Variants in CCDC3 observed in about 807,000 individuals in gnomAD.
The protein encoded by CCDC3 is coiled-coil domain containing 3.
Under a neutral mutation model 21.4 loss-of-function variants are expected in CCDC3, and 24 were observed. The ratio of observed to expected loss-of-function variants is 1.12; its 90% CI spans 0.81 to 1.58. The LOEUF is 1.58. Ranked by LOEUF, CCDC3 falls within the 40% of genes most tolerant of loss-of-function variation. CCDC3 has a pLI of 0.00. For missense variants in CCDC3, 425 were observed against 360.9 expected, an observed-to-expected ratio of 1.18 and a Z score of -1.44; for synonymous variants, 186 against 166.0, an observed-to-expected ratio of 1.12 and a Z score of -0.93.
intron 2 of CCDC3, among the ~76,000 whole-genome samples, chr10:12,978,446 G>A (rs917160262): frequency 4.6e-5 from 7 of 152,174 alleles, no homozygotes; most frequent in African/African-American, 1.7e-4. Flanking sequence ...CGAATTATCC[G>A]ATGGAATCGG....
At chr10:13,075,196 A>C (rs931885260) in intron 3 of CCDC3, among the ~76,000 whole-genome samples, 7 of 152,272 alleles carry the variant, frequency 4.6e-5, no homozygotes, top group South Asian at 4.1e-4. Context: ...CTTTTCCACT[A>C]TGGTTTTCCT....
chr10:13,054,815 C>T (rs1290764249), intron 4 of CCDC3, among the ~76,000 whole-genome samples: 1 of 152,088 alleles, frequency 6.6e-6, no homozygotes, highest in Non-Finnish European at 1.5e-5. Flanking sequence ...TACAGGTAAC[C>T]CTCACTACGC....
chr10:12,898,482 C>T lies in CCDC3; in HGVS notation c.747G>A (p.Leu249=). ...TGATGTGCGGCAGCGCGCCCGCCGC[C>T]AGCTTCTCACTGAGTTTCTGGTTCG... ...ELANQKLSEK[L]AAGALPHINA... The change falls in exon 3 of 3, where the codon CTG becomes CTA. Residue 249 remains leucine, a synonymous_variant. Transcript: ENST00000378825. The T allele has an allele frequency of 6.2e-7, 1 of 1,613,492 alleles. No individual in the cohort carries two copies. The highest frequency in any genetic ancestry group is 8.5e-7 in the Non-Finnish European group (1 of 1,179,552).
At chr10:12,906,514 C>G (rs532584020) in intron 2 of CCDC3, among the ~76,000 whole-genome samples, 2 of 152,214 alleles carry the variant, frequency 1.3e-5, no homozygotes, top group East Asian at 3.9e-4. Flanking sequence ...AGGAGGTAGC[C>G]GGGCAGTGTG....
chr10:13,067,142 G>A (rs1243493457), intron 4 of CCDC3, among the ~76,000 whole-genome samples: 1 of 152,212 alleles, frequency 6.6e-6, no homozygotes, highest in African/African-American at 2.4e-5. Context: ...TCACCCCAAT[G>A]GCTGCAGGCA....
intron 2 of CCDC3, among the ~76,000 whole-genome samples, chr10:12,965,963 G>T (rs949525638): frequency 5.3e-5 from 8 of 152,150 alleles, no homozygotes; most frequent in African/African-American, 1.7e-4. Flanking sequence ...GTTCATTTTT[G>T]ATGACCACAA....
At chr10:12,994,195 C>A (rs959784572) in intron 2 of CCDC3, among the ~76,000 whole-genome samples, 1 of 152,002 alleles carries the variant, frequency 6.6e-6, no homozygotes, top group African/African-American at 2.4e-5. Context: ...GCTGGGAGAT[C>A]GAGACCAGCC....
chr10:12,984,105 C>T lies in CCDC3; in HGVS notation c.549+14233G>A, dbSNP rs77694712. Among the ~76,000 whole-genome samples, 531 of 152,172 alleles carry T rather than the reference C, an allele frequency of 3.5e-3. 1 individual carries two copies. The highest frequency in any genetic ancestry group is 0.012 in the African/African-American group (498 of 41,526). On this transcript the variant is annotated intron_variant, in intron 2 of 2. Coordinates refer to ENST00000378825, the MANE Select transcript of CCDC3 (RefSeq NM_031455.4). ...AAAACAAACAAACAAACAAAAAACC[C>T]ACAGTGAAAAGACAGCACACACAAT...
intron 3 of CCDC3, among the ~76,000 whole-genome samples, chr10:13,094,933 G>C (rs1832613366): frequency 6.6e-6 from 1 of 152,050 alleles, no homozygotes; most frequent in South Asian, 2.1e-4. Flanking sequence ...CCGTGAACAG[G>C]CTTGTCTCAA....
chr10:12,904,058 T>C (rs547359001), intron 2 of CCDC3, among the ~76,000 whole-genome samples: 1 of 152,334 alleles, frequency 6.6e-6, no homozygotes, highest in South Asian at 2.1e-4. Flanking sequence ...TTTCATTTTA[T>C]CATGATTCTT....
intron 3 of CCDC3, among the ~76,000 whole-genome samples, chr10:13,086,286 G>T (rs538967232): frequency 2.6e-5 from 4 of 152,258 alleles, no homozygotes; most frequent in South Asian, 4.1e-4. Context: ...CCCAAAATTT[G>T]TAAGTTTCAA....
chr10:12,997,542 A>C (rs1835781214), intron 2 of CCDC3, among the ~76,000 whole-genome samples: 2 of 152,182 alleles, frequency 1.3e-5, no homozygotes, highest in Admixed American at 6.5e-5. Context: ...TACATTTTGC[A>C]ACCACCTTGG....
chr10:12,904,667 G>A (rs1242238727), intron 2 of CCDC3, among the ~76,000 whole-genome samples: 7 of 151,866 alleles, frequency 4.6e-5, no homozygotes, highest in South Asian at 4.2e-4. Flanking sequence ...CTCTTTACCC[G>A]GAGCCTCCAC....
upstream of CCDC3, among the ~76,000 whole-genome samples, chr10:13,004,376 T>A (rs1037345461): frequency 6.6e-6 from 1 of 152,182 alleles, no homozygotes; most frequent in Non-Finnish European, 1.5e-5. Flanking sequence ...ACTGCTGCAC[T>A]TCATTGCTGT....
intron 2 of CCDC3, among the ~76,000 whole-genome samples, chr10:12,902,755 CAGTT>C (rs1479911257): frequency 1.3e-5 from 2 of 152,134 alleles, no homozygotes; most frequent in East Asian, 1.9e-4. Context: ...ACACTCTTCA[CAGTT>C]AGCCCTCGAC....
chr10:12,917,211 T>C (rs1218582642), intron 2 of CCDC3, among the ~76,000 whole-genome samples: 1 of 49,684 alleles, frequency 2.0e-5, no homozygotes, highest in African/African-American at 7.4e-5. Context: ...TTTTTTTTTT[T>C]TTGAGACAGT....
chr10:12,917,791 TC>T (rs1834383575), intron 2 of CCDC3, among the ~76,000 whole-genome samples: 1 of 152,238 alleles, frequency 6.6e-6, no homozygotes, highest in Non-Finnish European at 1.5e-5. Context: ...TTTACCGTAG[TC>T]CTTTTGTTGA....
chr10:12,979,287 T>C (rs1835461858), intron 2 of CCDC3, among the ~76,000 whole-genome samples: 1 of 152,132 alleles, frequency 6.6e-6, no homozygotes, highest in Non-Finnish European at 1.5e-5. Flanking sequence ...AAGATGTAGA[T>C]TTACTGAGTG....
intron 2 of CCDC3, among the ~76,000 whole-genome samples, chr10:12,952,782 C>G (rs1308880466): frequency 4.6e-5 from 7 of 152,204 alleles, no homozygotes; most frequent in Non-Finnish European, 8.8e-5. Flanking sequence ...ACCTCAAAGC[C>G]TTCCCTCACC....
Sources: gnomAD v4.1 joint callset for allele counts (sites outside exome capture counted in the v4.1 genomes callset) on GRCh38, gnomAD v4.1.1 for gene constraint, MANE v1.5 for transcripts, NCBI Gene and HGNC (gene_info 2026-07-23, HGNC 2026-07-21) for gene names.